The following RIPOR2 variants were observed in gnomAD, a reference collection of about 807,000 sequenced individuals.
RIPOR2 encodes rho family-interacting cell polarization regulator 2.
Under a neutral mutation model 114.5 loss-of-function variants are expected in RIPOR2, and 39 were observed. The ratio of observed to expected loss-of-function variants is 0.34; its 90% CI spans 0.26 to 0.44. The LOEUF (loss-of-function observed/expected upper bound fraction) is 0.44. Ranked by LOEUF, RIPOR2 falls within the 20% of genes least tolerant of loss-of-function variation. The probability of loss-of-function intolerance (pLI) is 1.00; values close to 1 mark genes in which losing one functional copy is unlikely to be tolerated. For missense variants in RIPOR2, 1,007 were observed against 1,255.1 expected, an observed-to-expected ratio of 0.80 and a Z score of 2.99; for synonymous variants, 445 against 484.4, an observed-to-expected ratio of 0.92 and a Z score of 1.07.
chr6:24,891,739 G>A (rs1170633180), intron 1 of RIPOR2, among the ~76,000 whole-genome samples: 1 of 151,116 alleles, frequency 6.6e-6, no homozygotes, highest in Non-Finnish European at 1.5e-5. Context: ...AGAGGCCCAC[G>A]TAACTCCTGT....
intron 7 of RIPOR2, among the ~76,000 whole-genome samples, chr6:24,864,968 G>C (rs1764433984): frequency 6.6e-6 from 1 of 152,108 alleles, no homozygotes; most frequent in South Asian, 2.1e-4. Flanking sequence ...TTATTTTAGA[G>C]ATGTGGCCTC....
chr6:24,856,670 G>A (rs1581615953), intron 8 of RIPOR2, among the ~76,000 whole-genome samples: 1 of 152,162 alleles, frequency 6.6e-6, no homozygotes, highest in Non-Finnish European at 1.5e-5. Context: ...CATGAGAATC[G>A]CTTGAACCCA....
At chr6:24,901,794 G>A (rs1768470253) in intron 1 of RIPOR2, among the ~76,000 whole-genome samples, 1 of 152,184 alleles carries the variant, frequency 6.6e-6, no homozygotes, top group Admixed American at 6.5e-5. Flanking sequence ...TCCCGGGGTG[G>A]AGAGCGCCCA....
intron 1 of RIPOR2, among the ~76,000 whole-genome samples, chr6:25,020,686 C>A (rs888202880): frequency 3.3e-5 from 5 of 152,154 alleles, no homozygotes; most frequent in Non-Finnish European, 2.9e-5. Flanking sequence ...TCTCTGCCTT[C>A]CCCTCTTATT....
At chr6:24,945,254 A>G (rs1772349616) in intron 1 of RIPOR2, among the ~76,000 whole-genome samples, 1 of 152,212 alleles carries the variant, frequency 6.6e-6, no homozygotes, top group South Asian at 2.1e-4. Context: ...AGAATTGTAT[A>G]TCCAGCAAAA....
rs371651657 is a variant in RIPOR2, at chr6:24,848,037, G to C, written c.1152C>G (p.Asp384Glu). The part of the protein sequence containing the change: ...QGTPETPTFK[D>E]HSFFSNLPDD... ...ACACTGAACTTACAAAGAAGGAGTG[G>C]TCTTTGAAGGTGGGCGTTTCCGGGG... Residue 384 changes from aspartate (D) to glutamate (E), a missense_variant, in exon 12 of 22, where the codon GAC becomes GAG. By Grantham distance (45) the Asp-to-Glu change is conservative (BLOSUM62 2). Coordinates refer to ENST00000643898, the MANE Select transcript of RIPOR2 (RefSeq NM_001286445.3). 5.2e-4 allele frequency: 842 copies of C among 1,613,962 alleles called. 13 individuals are homozygous for C. The South Asian group carries it at 6.5e-3, about 12-fold the overall frequency.
chr6:24,862,464 G>A (rs1204616829), intron 7 of RIPOR2, among the ~76,000 whole-genome samples: 1 of 152,122 alleles, frequency 6.6e-6, no homozygotes, highest in Non-Finnish European at 1.5e-5. Context: ...ATGTTTCGTT[G>A]TTCTGCTCCA....
Position 24,846,300 on chromosome 6 carries a change from C to CTTTTTTTTTTTTTTTTTTTTTTTTT in RIPOR2, c.1164+1724_1164+1725insAAAAAAAAAAAAAAAAAAAAAAAAA, listed in dbSNP as rs1562253042. Reference sequence around the variant, plus strand: ...AGTTTAGCCTGGTCCTTTTCACCTGCCTTTTTTTTTTTTTTTTTTTTTTTG... The same window carrying CTTTTTTTTTTTTTTTTTTTTTTTTT: ...AGTTTAGCCTGGTCCTTTTCACCTGCTTTTTTTTTTTTTTTTTTTTTTTTTCTTTTTTTTTTTTTTTTTTTTTTTG... On this transcript the variant is annotated intron_variant, in intron 12 of 21. Coordinates refer to ENST00000643898, the MANE Select transcript of RIPOR2 (RefSeq NM_001286445.3). Among the ~76,000 whole-genome samples the CTTTTTTTTTTTTTTTTTTTTTTTTT allele has an allele frequency of 3.6e-5, 4 of 111,320 alleles. 2 individuals are homozygous for CTTTTTTTTTTTTTTTTTTTTTTTTT. Among genetic ancestry groups the CTTTTTTTTTTTTTTTTTTTTTTTTT allele is most frequent in the Non-Finnish European group, 7.6e-5 (4 of 52,978 alleles). 73.0% of individuals were successfully genotyped at this position (111,320 alleles called of 152,430 possible). A position where few individuals can be genotyped will look rare whatever the true frequency, so the allele number is the denominator to read the frequency against.
chr6:24,961,614 G>T (rs980733812), intron 1 of RIPOR2, among the ~76,000 whole-genome samples: 4 of 145,452 alleles, frequency 2.8e-5, no homozygotes, highest in Non-Finnish European at 3.0e-5. Flanking sequence ...TTACTTTGGG[G>T]TACAGTTGTT....
At position 25,005,738 on chromosome 6, in the gene RIPOR2, T is replaced by TATATATATATATACATAC. The variant is rs34572978; in HGVS notation, c.76+36112_76+36113insGTATGTATATATATATAT. On this transcript the variant is annotated intron_variant, in intron 1 of 13. Transcript: ENST00000510784. ...ATATATATATATATATATATATATA[T>TATATATATATATACATAC]ATACATTTACCGATCAAAAGATATG... is the stretch of plus-strand genomic sequence containing the variant. Among the ~76,000 whole-genome samples the TATATATATATATACATAC allele has an allele frequency of 2.2e-3, 154 of 70,692 alleles. 21 individuals carry two copies. The highest frequency in any genetic ancestry group is 4.5e-3 in the Non-Finnish European group (134 of 30,018). 46.4% of individuals were successfully genotyped at this position (70,692 alleles called of 152,430 possible).
intron 1 of RIPOR2, among the ~76,000 whole-genome samples, chr6:25,000,612 C>T (rs1417211825): frequency 6.6e-6 from 1 of 151,846 alleles, no homozygotes; most frequent in Non-Finnish European, 1.5e-5. Flanking sequence ...TACATACAGC[C>T]AGCCTCTATT....
At chr6:24,894,820 C>T (rs1401833154) in intron 1 of RIPOR2, among the ~76,000 whole-genome samples, 1 of 152,174 alleles carries the variant, frequency 6.6e-6, no homozygotes, top group African/African-American at 2.4e-5. Context: ...CAGAGAGTAA[C>T]ATCCCACACC....
intron 14 of RIPOR2, among the ~76,000 whole-genome samples, chr6:24,836,954 A>T (rs925486357): frequency 2.0e-5 from 3 of 151,730 alleles, no homozygotes; most frequent in Admixed American, 6.6e-5. Flanking sequence ...TGCTTGTGAT[A>T]TTTTTTTGTT....
chr6:24,892,753 A>G (rs1219033178), intron 1 of RIPOR2, among the ~76,000 whole-genome samples: 1 of 152,160 alleles, frequency 6.6e-6, no homozygotes, highest in Non-Finnish European at 1.5e-5. Flanking sequence ...GTGGGAAAAA[A>G]TGGTGGGAGA....
chr6:24,936,189 T>G (rs1182736126), upstream of RIPOR2: 1 of 286,488 alleles, frequency 3.5e-6, no homozygotes, highest in South Asian at 1.0e-4. Flanking sequence ...CTGAATGCAA[T>G]GAATTCTATT....
chr6:24,834,304 A>C lies in RIPOR2; in HGVS notation c.2208+1399T>G, dbSNP rs553969939. ...ATGGTGGAGAAGCATATTCTCCTAC[A>C]TCTCATCACATGTCTGTTACCAAGG... is the stretch of plus-strand genomic sequence containing the variant. On this transcript the variant is annotated intron_variant, in intron 15 of 21. Transcript: ENST00000643898. 8.5e-5 allele frequency among the ~76,000 whole-genome samples: 13 copies of C among 152,218 alleles called. No homozygotes were observed. The South Asian group carries it at 2.7e-3, about 32-fold the overall frequency.
chr6:24,846,306 T>TC (rs1259103581), intron 12 of RIPOR2, among the ~76,000 whole-genome samples: 2 of 143,556 alleles, frequency 1.4e-5, no homozygotes, highest in Non-Finnish European at 3.1e-5. Flanking sequence ...CCTGCCTTTT[T>TC]TTTTTTTTTT....
chr6:24,820,365 A>T (rs1424232745), intron 19 of RIPOR2, among the ~76,000 whole-genome samples: 6 of 152,238 alleles, frequency 3.9e-5, no homozygotes, highest in African/African-American at 1.2e-4. Context: ...AATTCCATTT[A>T]AAAAAATTGA....
rs371651657 is a variant in RIPOR2, at chr6:24,848,037, G to A, written c.1152C>T (p.Asp384=). The A allele has an allele frequency of 4.3e-6, 7 of 1,613,850 alleles. No individual in the cohort carries two copies. Among genetic ancestry groups the A allele is most frequent in the Middle Eastern group, 1.6e-4 (1 of 6,084 alleles). Residue 384 remains aspartate (D), a synonymous_variant, in exon 12 of 22, where the codon GAC becomes GAT. Coordinates refer to ENST00000643898, the MANE Select transcript of RIPOR2 (RefSeq NM_001286445.3). The stretch of plus-strand genomic sequence containing the variant: ...ACACTGAACTTACAAAGAAGGAGTG[G>A]TCTTTGAAGGTGGGCGTTTCCGGGG... ...QGTPETPTFK[D]HSFFSNLPDD...
Sources: allele counts gnomAD v4.1 joint callset (sites outside exome capture counted in the v4.1 genomes callset), GRCh38; gene constraint gnomAD v4.1.1; transcripts MANE v1.5; gene names NCBI Gene and HGNC (gene_info 2026-07-23, HGNC 2026-07-21).